Variants in TRPS1 observed in about 807,000 individuals in gnomAD.
TRPS1 encodes zinc finger transcription factor Trps1.
A neutral mutation model predicts 101.2 loss-of-function variants in TRPS1; 6 were observed. The observed-to-expected ratio is 0.06, with a 90% CI of 0.03 to 0.12. The LOEUF (loss-of-function observed/expected upper bound fraction) is 0.12, where lower values mean the gene tolerates loss of function less well. Ranked by LOEUF, TRPS1 falls within the 10% of genes least tolerant of loss-of-function variation. The pLI, the probability that TRPS1 is intolerant of heterozygous loss-of-function variation, is 1.00. For missense variants in TRPS1, 1,363 were observed against 1,567.0 expected (o/e 0.87, Z 2.20); for synonymous variants, 578 against 589.8 (o/e 0.98, Z 0.29).
chr8:115,610,056 CAT>C (rs1011952642), intron 3 of TRPS1, among the ~76,000 whole-genome samples: 1 of 152,134 alleles, frequency 6.6e-6, no homozygotes, highest in African/African-American at 2.4e-5. Context: ...CACTTCAACA[CAT>C]GTACTTATTT....
At chr8:115,597,350 G>C (rs909751590) in intron 4 of TRPS1, among the ~76,000 whole-genome samples, 3 of 151,820 alleles carry the variant, frequency 2.0e-5, no homozygotes, top group African/African-American at 7.2e-5. Flanking sequence ...CTTTTTGTTT[G>C]GTTATGATTG....
chr8:115,617,162 C>T (rs1818293273), intron 3 of TRPS1, among the ~76,000 whole-genome samples: 1 of 152,134 alleles, frequency 6.6e-6, no homozygotes, highest in South Asian at 2.1e-4. Flanking sequence ...CCACAGATTA[C>T]TTTTTTCTAT....
chr8:115,459,180 A>G (rs1814102490), intron 5 of TRPS1, among the ~76,000 whole-genome samples: 2 of 152,122 alleles, frequency 1.3e-5, no homozygotes, highest in Admixed American at 6.5e-5. Context: ...TACTAAAAAT[A>G]CAAAAAAATT....
At chr8:115,594,720 T>C (rs1337531589) in intron 4 of TRPS1, among the ~76,000 whole-genome samples, 1 of 152,008 alleles carries the variant, frequency 6.6e-6, no homozygotes, top group African/African-American at 2.4e-5. Context: ...TTCACAATAG[T>C]AGTATTTCAT....
intron 5 of TRPS1, among the ~76,000 whole-genome samples, chr8:115,475,384 C>G (rs1052074301): frequency 6.7e-6 from 1 of 150,314 alleles, no homozygotes; most frequent in Non-Finnish European, 1.5e-5. Flanking sequence ...TCACTTGCTA[C>G]TGCAATTAGT....
chr8:115,575,053 C>T (rs1375564266), intron 5 of TRPS1, among the ~76,000 whole-genome samples: 1 of 152,052 alleles, frequency 6.6e-6, no homozygotes, highest in Non-Finnish European at 1.5e-5. Flanking sequence ...CCTATGCTTG[C>T]CAATAAACTC....
At chr8:115,657,655 T>C (rs890563497) in intron 1 of TRPS1, among the ~76,000 whole-genome samples, 1 of 152,084 alleles carries the variant, frequency 6.6e-6, no homozygotes, top group African/African-American at 2.4e-5. Context: ...CAAATTCACA[T>C]TTATAAACTT....
chr8:115,668,117 G>A (rs1213164410), intron 1 of TRPS1: 1 of 600,048 alleles, frequency 1.7e-6, no homozygotes, highest in Admixed American at 3.0e-5. Context: ...CCTCCTCCCC[G>A]GCGGCTGAAC....
At chr8:115,635,111 A>G (rs1237807683) in intron 1 of TRPS1, among the ~76,000 whole-genome samples, 1 of 152,222 alleles carries the variant, frequency 6.6e-6, no homozygotes, top group African/African-American at 2.4e-5. Context: ...AGCACTGTTC[A>G]AGAATATTTT....
chr8:115,511,535 G>T (rs1010855536), intron 5 of TRPS1, among the ~76,000 whole-genome samples: 5 of 151,782 alleles, frequency 3.3e-5, no homozygotes, highest in African/African-American at 9.7e-5. Context: ...TCTGGTTGCA[G>T]TATAACAAGC....
intron 5 of TRPS1, among the ~76,000 whole-genome samples, chr8:115,421,677 C>T (rs936742843): frequency 7.2e-5 from 11 of 152,080 alleles, no homozygotes; most frequent in Non-Finnish European, 1.0e-4. Context: ...TAAGCCTAGT[C>T]GAACCTTATT....
At chr8:115,632,889 C>T (rs887513776) in intron 1 of TRPS1, among the ~76,000 whole-genome samples, 15 of 152,070 alleles carry the variant, frequency 9.9e-5, no homozygotes, top group African/African-American at 3.4e-4. Context: ...ATTGTATTTC[C>T]TGACATGAGT....
chr8:115,590,665 A>T (rs1013544180), intron 4 of TRPS1, among the ~76,000 whole-genome samples: 7 of 152,188 alleles, frequency 4.6e-5, no homozygotes, highest in Non-Finnish European at 8.8e-5. Context: ...TCTTAAGGAG[A>T]ATGCTTAAGC....
At chr8:115,621,155 G>A (rs972451075) in intron 2 of TRPS1, among the ~76,000 whole-genome samples, 1 of 152,178 alleles carries the variant, frequency 6.6e-6, no homozygotes, top group African/African-American at 2.4e-5. Flanking sequence ...AATTTGTGTA[G>A]TGTCAATTAA....
intron 1 of TRPS1, among the ~76,000 whole-genome samples, chr8:115,631,736 T>C (rs987219802): frequency 1.6e-4 from 24 of 151,980 alleles, no homozygotes; most frequent in Admixed American, 3.9e-4. Flanking sequence ...AAAGTCTGAA[T>C]CTCTTGATAT....
intron 5 of TRPS1, among the ~76,000 whole-genome samples, chr8:115,490,691 C>T (rs570480415): frequency 6.6e-6 from 1 of 152,208 alleles, no homozygotes; most frequent in South Asian, 2.1e-4. Context: ...CCAAAGAATT[C>T]GATTGTCTTA....
At chr8:115,568,676 G>A (rs1417220167) in intron 5 of TRPS1, among the ~76,000 whole-genome samples, 1 of 151,922 alleles carries the variant, frequency 6.6e-6, no homozygotes, top group Non-Finnish European at 1.5e-5. Context: ...ATAATTAACA[G>A]GATCAAAATT....
chr8:115,623,730 G>C lies in TRPS1; in HGVS notation c.-93C>G, dbSNP rs1389963266. The C allele has an allele frequency of 3.9e-6, 6 of 1,556,166 alleles. No individual in the cohort carries two copies. Among genetic ancestry groups the C allele is most frequent in the Non-Finnish European group, 5.2e-6 (6 of 1,150,634 alleles). On this transcript the variant is annotated 5_prime_UTR_variant, in exon 2 of 7. Transcript: ENST00000395715. ...TCTTAGAAGACGCTCAGAAGACACA[G>C]AAGACATTTTGAGAGCTGATCTGTA...
intron 5 of TRPS1, among the ~76,000 whole-genome samples, chr8:115,558,395 G>A (rs1563602215): frequency 6.6e-6 from 1 of 152,242 alleles, no homozygotes; most frequent in East Asian, 1.9e-4. Context: ...GGGAAGGAAT[G>A]GCCAGTCGAG....
Sources: allele counts gnomAD v4.1 joint callset (sites outside exome capture counted in the v4.1 genomes callset), GRCh38; gene constraint gnomAD v4.1.1; transcripts MANE v1.5; gene names NCBI Gene and HGNC (gene_info 2026-07-23, HGNC 2026-07-21).